EFCAB11: variants seen among roughly 807,000 people sequenced by gnomAD.
The protein encoded by EFCAB11 is EF-hand calcium binding domain 11, also known as EF-hand calcium-binding domain-containing protein 11.
EFCAB11 carries 14 observed loss-of-function variants against 23.0 expected under a neutral mutation model. The observed-to-expected ratio is 0.61, with a 90% CI of 0.40 to 0.95. The LOEUF is 0.95. Among genes scored for constraint, EFCAB11 ranks in the 40% least tolerant of loss-of-function variants. EFCAB11 has a pLI of 0.00. For synonymous variants in EFCAB11, 65 were observed against 66.6 expected (o/e 0.98, Z 0.11); for missense variants, 198 against 195.8 (o/e 1.01, Z -0.07).
At chr14:89,882,912 T>C (rs1472018385) in intron 5 of EFCAB11, among the ~76,000 whole-genome samples, 2 of 152,158 alleles carry the variant, frequency 1.3e-5, no homozygotes, top group African/African-American at 4.8e-5. Context: ...ATGAATGTGC[T>C]CTCTTGGGGT....
chr14:89,837,027 T>C, intron 5 of EFCAB11: 1 of 456,008 alleles, frequency 2.2e-6, no homozygotes, highest in Non-Finnish European at 4.4e-6. Flanking sequence ...TGCCTGAGAA[T>C]CTGCACAGGT....
intron 1 of EFCAB11, 32 bp from the exon 2 acceptor site, chr14:89,954,033 G>C (rs1891314894): frequency 6.4e-7 from 1 of 1,556,410 alleles, no homozygotes; most frequent in African/African-American, 1.4e-5. Context: ...TAGTTAATGA[G>C]ACAGAAATGG....
At chr14:89,896,477 T>C (rs546682871) in intron 5 of EFCAB11, among the ~76,000 whole-genome samples, 70 of 152,286 alleles carry the variant, frequency 4.6e-4, no homozygotes, top group South Asian at 1.5e-3. Flanking sequence ...ATATGAATTA[T>C]TGAAAATATC....
intron 5 of EFCAB11, among the ~76,000 whole-genome samples, chr14:89,857,110 C>T (rs1340884011): frequency 6.6e-6 from 1 of 152,254 alleles, no homozygotes; most frequent in Non-Finnish European, 1.5e-5. Flanking sequence ...CACTTACTAA[C>T]TATGGGCTGC....
intron 5 of EFCAB11, among the ~76,000 whole-genome samples, chr14:89,865,829 T>TG (rs1888072928): frequency 1.6e-4 from 2 of 12,188 alleles, no homozygotes; most frequent in South Asian, 6.6e-3. Context: ...CATGCTCGGC[T>TG]AATTTTGTAT....
At chr14:89,887,739 G>T (rs1038350491) in intron 5 of EFCAB11, among the ~76,000 whole-genome samples, 5 of 152,160 alleles carry the variant, frequency 3.3e-5, no homozygotes, top group African/African-American at 1.2e-4. Flanking sequence ...AGGTGTTATG[G>T]AATAAAGAAA....
At chr14:89,821,641 G>C (rs944736994) in intron 5 of EFCAB11, among the ~76,000 whole-genome samples, 1 of 152,194 alleles carries the variant, frequency 6.6e-6, no homozygotes, top group African/African-American at 2.4e-5. Context: ...TCCCTGAAAA[G>C]AAAAACAAAT....
At chr14:89,830,214 A>G (rs1052768667) in intron 5 of EFCAB11, 2 of 152,194 alleles carry the variant, frequency 1.3e-5, no homozygotes, top group Non-Finnish European at 2.9e-5. Context: ...GTCACATTAA[A>G]AACTTTAAAT....
intron 5 of EFCAB11, among the ~76,000 whole-genome samples, chr14:89,841,773 C>A (rs1420952708): frequency 6.6e-6 from 1 of 152,072 alleles, no homozygotes; most frequent in East Asian, 1.9e-4. Flanking sequence ...GTTGGTACCC[C>A]CAGGGTTGTC....
At chr14:89,909,187 G>A (rs1889584195) in intron 5 of EFCAB11, among the ~76,000 whole-genome samples, 1 of 152,214 alleles carries the variant, frequency 6.6e-6, no homozygotes, top group East Asian at 1.9e-4. Flanking sequence ...AGAGAAGGCT[G>A]AGTTGGGAAA....
intron 5 of EFCAB11, chr14:89,892,500 G>C: frequency 7.4e-7 from 1 of 1,360,294 alleles, no homozygotes; most frequent in African/African-American, 1.5e-5. Context: ...GGTGGGATGG[G>C]GAATGTTAGT....
At chr14:89,831,470 A>G (rs535248645) in intron 5 of EFCAB11, among the ~76,000 whole-genome samples, 1 of 152,360 alleles carries the variant, frequency 6.6e-6, no homozygotes, top group South Asian at 2.1e-4. Context: ...AAAGAATGTG[A>G]TATCACTACA....
rs898393579 is a variant in EFCAB11 at position 89,950,003 on chromosome 14, A to G, written c.217+94T>C. 8.2e-6 allele frequency: 11 copies of G among 1,335,442 alleles called. No individual in the cohort carries two copies. The Admixed American group carries it at 1.0e-4, about 12-fold the overall frequency. 82.7% of individuals were successfully genotyped at this position (1,335,442 alleles called of 1,614,324 possible). A position where few individuals can be genotyped will look rare whatever the true frequency, so the allele number is the denominator to read the frequency against. On this transcript the variant is annotated intron_variant, in intron 3 of 5. Transcript: ENST00000316738. ...TTCCACCAGGTCCCTTCCACAACAC[A>G]TAGGAATTTGAGATGAGACTGATGT...
rs114334467 is a variant in EFCAB11 at position 89,822,830 on chromosome 14, G to A, written c.411-25506C>T. Among the ~76,000 whole-genome samples the A allele has an allele frequency of 4.6e-3, 704 of 152,242 alleles. 9 individuals are homozygous for A. The highest frequency in any genetic ancestry group is 0.016 in the African/African-American group (656 of 41,540). On this transcript the variant is annotated intron_variant, in intron 5 of 5. Coordinates refer to ENST00000316738, the MANE Select transcript of EFCAB11 (RefSeq NM_145231.4). ...TCAGAAATAGGGCTAAATCAGTCACGGAGTAAAAGCTATTCTAGAACTATC... is the reference window on the plus strand; with the variant it reads ...TCAGAAATAGGGCTAAATCAGTCACAGAGTAAAAGCTATTCTAGAACTATC...
intron 5 of EFCAB11, among the ~76,000 whole-genome samples, chr14:89,806,666 A>G (rs1206798702): frequency 1.3e-5 from 2 of 152,188 alleles, no homozygotes; most frequent in Non-Finnish European, 2.9e-5. Context: ...AGTGTGGTCC[A>G]GCAGAAACCC....
intron 5 of EFCAB11, chr14:89,892,242 G>T (rs1888995113): frequency 6.2e-7 from 1 of 1,611,182 alleles, no homozygotes; most frequent in East Asian, 2.2e-5. Flanking sequence ...GCCTCCCTGG[G>T]CATGGCCTTC....
chr14:89,872,325 G>A (rs1366970885), intron 5 of EFCAB11, among the ~76,000 whole-genome samples: 7 of 152,290 alleles, frequency 4.6e-5, no homozygotes, highest in South Asian at 4.1e-4. Context: ...AAAGCCACAC[G>A]CGCAAAGGCA....
intron 5 of EFCAB11, among the ~76,000 whole-genome samples, chr14:89,874,065 T>A (rs1888361266): frequency 6.6e-6 from 1 of 152,170 alleles, no homozygotes; most frequent in South Asian, 2.1e-4. Flanking sequence ...GCAGCACACC[T>A]CTGCCTGGAT....
At chr14:89,863,223 C>T (rs948529012) in intron 5 of EFCAB11, among the ~76,000 whole-genome samples, 2 of 152,118 alleles carry the variant, frequency 1.3e-5, no homozygotes, top group African/African-American at 4.8e-5. Context: ...TCCAACAACT[C>T]AATGTTAAAG....
Sources: gnomAD v4.1 joint callset for allele counts (sites outside exome capture counted in the v4.1 genomes callset) on GRCh38, gnomAD v4.1.1 for gene constraint, MANE v1.5 for transcripts, NCBI Gene and HGNC (gene_info 2026-07-23, HGNC 2026-07-21) for gene names.